Variants in SNX24 observed in about 807,000 individuals in gnomAD.
SNX24 encodes sorting nexin 24.
Under a neutral mutation model 28.7 loss-of-function variants are expected in SNX24, and 22 were observed. The ratio of observed to expected loss-of-function variants is 0.77; its 90% CI spans 0.55 to 1.10. The LOEUF is 1.10. Ranked by LOEUF, SNX24 falls within the 50% of genes least tolerant of loss-of-function variation. SNX24 has a pLI of 0.00. For synonymous variants in SNX24, 69 were observed against 71.5 expected, an observed-to-expected ratio of 0.96 and a Z score of 0.18; for missense variants, 221 against 201.1, an observed-to-expected ratio of 1.10 and a Z score of -0.60.
At chr5:122,978,186 C>T (rs888832519) in intron 3 of SNX24, among the ~76,000 whole-genome samples, 35 of 151,992 alleles carry the variant, frequency 2.3e-4, no homozygotes, top group Non-Finnish European at 5.0e-4. Context: ...TTGAATAACA[C>T]GAATTATATC....
intron 3 of SNX24, among the ~76,000 whole-genome samples, chr5:122,963,183 G>A (rs1421155160): frequency 2.0e-5 from 3 of 152,188 alleles, no homozygotes; most frequent in Non-Finnish European, 4.4e-5. Context: ...GCAATGAGCC[G>A]AGATTGTGCC....
At chr5:122,936,595 G>T (rs543866910) in intron 1 of SNX24, 139 bp from the exon 2 acceptor site, 11 of 476,324 alleles carry the variant, frequency 2.3e-5, no homozygotes, top group East Asian at 1.9e-4. Context: ...GTTGGGCCAG[G>T]GTGTCCTGAG....
intron 1 of SNX24, among the ~76,000 whole-genome samples, chr5:122,935,521 T>C (rs903217855): frequency 6.6e-6 from 1 of 152,216 alleles, no homozygotes; most frequent in South Asian, 2.1e-4. Flanking sequence ...ATTAAATTGT[T>C]AAAAATTTAC....
intron 1 of SNX24, among the ~76,000 whole-genome samples, chr5:122,933,670 G>C (rs1759056060): frequency 6.6e-6 from 1 of 152,064 alleles, no homozygotes; most frequent in Non-Finnish European, 1.5e-5. Flanking sequence ...TCTCCTTCCT[G>C]TTACTCTATC....
intron 3 of SNX24, among the ~76,000 whole-genome samples, chr5:122,983,491 G>C (rs887542554): frequency 1.3e-5 from 2 of 152,126 alleles, no homozygotes; most frequent in Non-Finnish European, 2.9e-5. Flanking sequence ...AACTCCATTG[G>C]AGTCACTGAT....
chr5:122,991,708 G>A (rs974067271), intron 3 of SNX24, among the ~76,000 whole-genome samples: 3 of 152,068 alleles, frequency 2.0e-5, no homozygotes, highest in East Asian at 1.9e-4. Flanking sequence ...TGATCCACCC[G>A]CCTTGGCCTC....
At chr5:122,916,264 T>C (rs1302955121) in intron 1 of SNX24, among the ~76,000 whole-genome samples, 1 of 152,210 alleles carries the variant, frequency 6.6e-6, no homozygotes, top group African/African-American at 2.4e-5. Context: ...TTCATTCTGA[T>C]TGCATGAGGA....
At chr5:122,958,457 T>C (rs1760316483) in intron 3 of SNX24, among the ~76,000 whole-genome samples, 1 of 152,118 alleles carries the variant, frequency 6.6e-6, no homozygotes, top group South Asian at 2.1e-4. Context: ...TTTCACCATG[T>C]TGGCCAAGCT....
intron 3 of SNX24, among the ~76,000 whole-genome samples, chr5:122,996,143 C>T (rs1241016813): frequency 2.0e-5 from 3 of 152,204 alleles, no homozygotes; most frequent in East Asian, 1.9e-4. Context: ...CAATGCCAAA[C>T]GTTTTCAACT....
chr5:122,879,143 A>T (rs1756364613), intron 1 of SNX24, among the ~76,000 whole-genome samples: 1 of 152,186 alleles, frequency 6.6e-6, no homozygotes, highest in Non-Finnish European at 1.5e-5. Context: ...ATTATTAATG[A>T]GACCACTTGT....
rs1251340898 is a variant in SNX24 at position 123,007,994 on chromosome 5, C to T, written c.*245C>T. Reference sequence around the variant, plus strand: ...TTAAGAAGTAGAGTGTAGCTGCCAGCGTAGAAACCCATGAAAAGGAGGCCA... The same window carrying T: ...TTAAGAAGTAGAGTGTAGCTGCCAGTGTAGAAACCCATGAAAAGGAGGCCA... On this transcript the variant is annotated 3_prime_UTR_variant, in exon 7 of 7. Transcript: ENST00000261369. 1.7e-6 allele frequency: 2 copies of T among 1,163,912 alleles called. No homozygotes were observed. The highest frequency in any genetic ancestry group is 1.0e-4 in the East Asian group (2 of 19,292). 72.1% of individuals were successfully genotyped at this position (1,163,912 alleles called of 1,614,324 possible). A position where few individuals can be genotyped will look rare whatever the true frequency, so the allele number is the denominator to read the frequency against.
At chr5:123,024,071 C>T (rs1368091283) in intron 5 of SNX24, 6 of 1,526,960 alleles carry the variant, frequency 3.9e-6, no homozygotes, top group South Asian at 1.3e-5. Flanking sequence ...AAGGTTAAAC[C>T]AAAGCCAACT....
At chr5:122,962,653 G>A (rs184847465) in intron 3 of SNX24, among the ~76,000 whole-genome samples, 14 of 152,246 alleles carry the variant, frequency 9.2e-5, no homozygotes, top group Admixed American at 8.5e-4. Context: ...GCCAGTGGAG[G>A]AGGCATCAGT....
intron 1 of SNX24, among the ~76,000 whole-genome samples, chr5:122,879,734 T>C (rs1354304327): frequency 6.6e-6 from 1 of 152,228 alleles, no homozygotes; most frequent in Non-Finnish European, 1.5e-5. Flanking sequence ...TTGTCCAGGC[T>C]GGTCTTAAAC....
chr5:122,914,451 G>T (rs1462913504), intron 1 of SNX24, among the ~76,000 whole-genome samples: 2 of 151,580 alleles, frequency 1.3e-5, no homozygotes, highest in Non-Finnish European at 2.9e-5. Flanking sequence ...CTATTGATTG[G>T]AATAGTTTCA....
intron 1 of SNX24, among the ~76,000 whole-genome samples, chr5:122,847,999 A>G (rs957869255): frequency 2.6e-5 from 4 of 152,124 alleles, no homozygotes; most frequent in African/African-American, 9.7e-5. Flanking sequence ...CTTAAAAAAA[A>G]CCCCAGAATT....
chr5:122,898,429 C>T (rs565648048), intron 1 of SNX24, among the ~76,000 whole-genome samples: 2 of 152,296 alleles, frequency 1.3e-5, no homozygotes, highest in South Asian at 2.1e-4. Flanking sequence ...AGTAAAAACC[C>T]TTTCCCAGAT....
At chr5:122,932,665 A>C (rs939821015) in intron 1 of SNX24, among the ~76,000 whole-genome samples, 3 of 151,944 alleles carry the variant, frequency 2.0e-5, no homozygotes, top group African/African-American at 7.2e-5. Context: ...GTCAGGAGAT[A>C]GAGACCACCG....
chr5:122,896,020 G>C (rs1757188102), intron 1 of SNX24, among the ~76,000 whole-genome samples: 1 of 151,952 alleles, frequency 6.6e-6, no homozygotes, highest in Non-Finnish European at 1.5e-5. Flanking sequence ...GTGGTGGCAT[G>C]CACCTGTGAT....
Sources: allele counts gnomAD v4.1 joint callset (sites outside exome capture counted in the v4.1 genomes callset), GRCh38; gene constraint gnomAD v4.1.1; transcripts MANE v1.5; gene names NCBI Gene and HGNC (gene_info 2026-07-23, HGNC 2026-07-21).